The following BDKRB2 variants were observed in gnomAD, a reference collection of about 807,000 sequenced individuals.
BDKRB2 encodes the protein B2 bradykinin receptor.
BDKRB2 carries 6 observed loss-of-function variants against 4.0 expected under a neutral mutation model. The observed-to-expected ratio is 1.49, with a 90% CI of 0.81 to 2.93. The LOEUF (loss-of-function observed/expected upper bound fraction) is 2.93. BDKRB2 is among the 30% of genes most tolerant of loss of function. BDKRB2 has a pLI of 0.00. For missense variants in BDKRB2, 478 were observed against 520.1 expected (o/e 0.92, Z 0.79); for synonymous variants, 225 against 215.3 (o/e 1.05, Z -0.40).
intron 1 of BDKRB2, among the ~76,000 whole-genome samples, chr14:96,220,358 G>T (rs575179239): frequency 6.6e-6 from 1 of 152,244 alleles, no homozygotes; most frequent in South Asian, 2.1e-4. Flanking sequence ...CAGCTCAGGA[G>T]GAGCTGGAGG....
intron 1 of BDKRB2, among the ~76,000 whole-genome samples, chr14:96,218,178 C>G (rs4905465): frequency 0.85 from 129,865 of 152,098 alleles, 55,736 homozygotes; most frequent in East Asian, 0.98. Context: ...AAAGTGCAGA[C>G]GGGCAGGGTT....
intron 1 of BDKRB2, among the ~76,000 whole-genome samples, chr14:96,231,116 G>A (rs80299966): frequency 0.02 from 3,012 of 152,224 alleles, 75 homozygotes; most frequent in African/African-American, 0.061. Context: ...AATAAGTTCC[G>A]GGGTATCCAA....
chr14:96,242,113 G>A lies in BDKRB2; in HGVS notation c.*609G>A, dbSNP rs1040855433. On this transcript the variant is annotated 3_prime_UTR_variant, in exon 3 of 3. Transcript: ENST00000554311. ...TCCAATAAGCACATATTGAGCACTT[G>A]CTGTATATGCAGTATTGAGCACTGT... 6.6e-6 allele frequency: 1 copy of A among 152,474 alleles called. No individual in the cohort carries two copies. Among genetic ancestry groups the A allele is most frequent in the Non-Finnish European group, 1.5e-5 (1 of 68,280 alleles). The allele number at this position is 152,474 out of a possible 1,614,324, so 9.4% of individuals were successfully genotyped here.
intron 1 of BDKRB2, among the ~76,000 whole-genome samples, chr14:96,217,787 G>A (rs1360866750): frequency 1.3e-5 from 2 of 152,208 alleles, no homozygotes; most frequent in Non-Finnish European, 2.9e-5. Context: ...GCTCTAAGGA[G>A]GCGGCCCTAT....
intron 1 of BDKRB2, among the ~76,000 whole-genome samples, chr14:96,231,134 C>G (rs750855123): frequency 3.3e-5 from 5 of 152,180 alleles, no homozygotes; most frequent in Non-Finnish European, 7.3e-5. Flanking sequence ...CAAGGGTGAG[C>G]AAAGCCAGGC....
intron 1 of BDKRB2, among the ~76,000 whole-genome samples, chr14:96,212,326 T>C (rs967805060): frequency 2.0e-5 from 3 of 152,072 alleles, no homozygotes; most frequent in Non-Finnish European, 4.4e-5. Context: ...ACCAAACTTA[T>C]GGGATGCAGC....
At chr14:96,217,130 C>T (rs1429695958) in intron 1 of BDKRB2, among the ~76,000 whole-genome samples, 10 of 152,178 alleles carry the variant, frequency 6.6e-5, no homozygotes, top group Non-Finnish European at 1.5e-4. Flanking sequence ...GTGATAGCTG[C>T]GCTTCCCCAG....
chr14:96,227,171 G>T (rs529354325), intron 1 of BDKRB2, among the ~76,000 whole-genome samples: 6 of 152,236 alleles, frequency 3.9e-5, no homozygotes, highest in African/African-American at 1.4e-4. Flanking sequence ...TTAACTACCA[G>T]GAGTCTTTCC....
chr14:96,209,604 C>A (rs568836491), intron 1 of BDKRB2, among the ~76,000 whole-genome samples: 1 of 152,210 alleles, frequency 6.6e-6, no homozygotes, highest in Non-Finnish European at 1.5e-5. Flanking sequence ...TCATTAACTT[C>A]ACTGAATGCA....
At position 96,242,369 on chromosome 14, in the gene BDKRB2, C is replaced by T. The variant is rs200543485; in HGVS notation, c.*865C>T. On this transcript the variant is annotated 3_prime_UTR_variant, in exon 3 of 3. Transcript: ENST00000554311. ...AGTTCCCTCTTCTGTAACATGAAGTCGTTGTGAGGGTTAAAGGCAGTAACA... is the reference window on the plus strand; with the variant it reads ...AGTTCCCTCTTCTGTAACATGAAGTTGTTGTGAGGGTTAAAGGCAGTAACA... The T allele has an allele frequency of 9.2e-5, 14 of 152,108 alleles. No homozygotes were observed. The highest frequency in any genetic ancestry group is 1.9e-4 in the Non-Finnish European group (13 of 68,022). The allele number at this position is 152,108 out of a possible 1,614,324, so 9.4% of individuals were successfully genotyped here.
chr14:96,232,112 G>A lies in BDKRB2; in HGVS notation c.-39-4957G>A, dbSNP rs138362624. On this transcript the variant is annotated intron_variant, in intron 1 of 2. Transcript: ENST00000554311. Reference sequence around the variant, plus strand: ...CTGACACCCCACAGCCCCTGGTGTAGCTAAAGCAGACGGGCCTCCTGGGCT... The same window carrying A: ...CTGACACCCCACAGCCCCTGGTGTAACTAAAGCAGACGGGCCTCCTGGGCT... Among the ~76,000 whole-genome samples the A allele has an allele frequency of 3.1e-4, 47 of 152,344 alleles. 1 individual carries two copies. Among genetic ancestry groups the A allele is most frequent in the African/African-American group, 8.9e-4 (37 of 41,584 alleles).
At position 96,240,956 on chromosome 14, in the gene BDKRB2, G is replaced by A. The variant is rs183204823; in HGVS notation, c.628G>A (p.Ala210Thr). 84 of 1,593,010 alleles carry A rather than the reference G, an allele frequency of 5.3e-5. No homozygotes were observed. Among genetic ancestry groups the A allele is most frequent in the East Asian group, 2.7e-4 (12 of 44,670 alleles). ...EYSDEGHNVT[A>T]CVISYPSLIW... ...CAGCGATGAGGGCCACAACGTCACC[G>A]CTTGTGTCATCAGCTACCCATCCCT... The change falls in exon 3 of 3, where the codon GCT (alanine) becomes ACT (threonine). Residue 210 changes from alanine (A) to threonine (T), a missense_variant. Coordinates refer to ENST00000554311, the MANE Select transcript of BDKRB2 (RefSeq NM_001379692.1).
rs1026636152 is a variant in BDKRB2, at chr14:96,207,807, G to T, written c.-40+2848G>T. ...AAAGGCACACAGAGCAGATCTGCAT[G>T]TTGTTTTGAGGATTCAGAAGGCACT... On this transcript the variant is annotated intron_variant, in intron 1 of 2. Transcript: ENST00000554311. Among the ~76,000 whole-genome samples the T allele has an allele frequency of 6.6e-5, 10 of 151,864 alleles. 1 individual carries two copies. Among genetic ancestry groups the T allele is most frequent in the Admixed American group, 6.6e-4 (10 of 15,248 alleles).
chr14:96,207,064 C>T (rs1890199829), intron 1 of BDKRB2, among the ~76,000 whole-genome samples: 1 of 152,098 alleles, frequency 6.6e-6, no homozygotes, highest in African/African-American at 2.4e-5. Context: ...GAAGTCTCAC[C>T]TTTTAATATC....
At position 96,241,183 on chromosome 14, in the gene BDKRB2, C is replaced by T; in HGVS notation, c.855C>T (p.Pro285=). 2.5e-6 allele frequency: 4 copies of T among 1,605,626 alleles called. No homozygotes were observed. The highest frequency in any genetic ancestry group is 3.4e-6 in the Non-Finnish European group (4 of 1,173,972). The change falls in exon 3 of 3, where the codon CCC becomes CCT. Residue 285 remains proline, a synonymous_variant. Transcript: ENST00000554311. ...TGCTATTCATCATCTGCTGGCTGCC[C>T]TTCCAGATCAGCACCTTCCTGGATA... is the stretch of plus-strand genomic sequence containing the variant. The part of the protein sequence containing the change: ...VLLLFIICWL[P]FQISTFLDTL...
rs1041931203 is a variant in BDKRB2, at chr14:96,204,883, GGGGACGGT to G, written c.-112_-105del. The G allele has an allele frequency of 8.5e-6, 3 of 350,942 alleles. No homozygotes were observed. The highest frequency in any genetic ancestry group is 6.7e-5 in the African/African-American group (3 of 44,994). 21.7% of individuals were successfully genotyped at this position (350,942 alleles called of 1,614,324 possible). On this transcript the variant is annotated 5_prime_UTR_variant, in exon 1 of 3. Coordinates refer to ENST00000554311, the MANE Select transcript of BDKRB2 (RefSeq NM_001379692.1). ...GGCTCCGAGGAGGGGTGGGGACGGT[GGGGACGGT>G]GGGGACATCAGGCTGCCCCGCAGTA... is the stretch of plus-strand genomic sequence containing the variant.
At chr14:96,221,898 A>G (rs1390973423) in intron 1 of BDKRB2, among the ~76,000 whole-genome samples, 2 of 151,952 alleles carry the variant, frequency 1.3e-5, no homozygotes, top group African/African-American at 4.8e-5. Context: ...TGCCACTGTG[A>G]TTAAATGTGT....
At chr14:96,226,300 A>G (rs896501395) in intron 1 of BDKRB2, among the ~76,000 whole-genome samples, 2 of 152,166 alleles carry the variant, frequency 1.3e-5, no homozygotes, top group Non-Finnish European at 2.9e-5. Flanking sequence ...ACAATCAGAC[A>G]ATGTTAGCAC....
chr14:96,226,768 C>A (rs992733383), intron 1 of BDKRB2, among the ~76,000 whole-genome samples: 12 of 152,200 alleles, frequency 7.9e-5, no homozygotes, highest in Non-Finnish European at 1.3e-4. Flanking sequence ...GGCCTCCATG[C>A]CCATCTCTGT....
Sources: allele counts gnomAD v4.1 joint callset (sites outside exome capture counted in the v4.1 genomes callset), GRCh38; gene constraint gnomAD v4.1.1; transcripts MANE v1.5; gene names NCBI Gene and HGNC (gene_info 2026-07-23, HGNC 2026-07-21).